The following AK5 variants were observed in gnomAD, a reference collection of about 807,000 sequenced individuals.
AK5 encodes adenylate kinase isoenzyme 5.
In AK5, 27 loss-of-function variants were observed where a neutral mutation model predicts 69.5. That is an observed-to-expected ratio of 0.39 (90% CI 0.29 to 0.54). AK5 has a LOEUF of 0.54. Ranked by LOEUF, AK5 falls within the 20% of genes least tolerant of loss-of-function variation. The pLI is 0.71. For synonymous variants in AK5, 260 were observed against 244.4 expected (o/e 1.06, Z -0.60); for missense variants, 531 against 700.4 (o/e 0.76, Z 2.73).
chr1:77,358,273 A>G (rs1439099225), intron 6 of AK5, among the ~76,000 whole-genome samples: 2 of 152,112 alleles, frequency 1.3e-5, no homozygotes, highest in East Asian at 1.9e-4. Context: ...ATTATTCACA[A>G]GCATGTTTAC....
chr1:77,314,639 T>G (rs2100303289), intron 5 of AK5: 1 of 152,256 alleles, frequency 6.6e-6, no homozygotes, highest in African/African-American at 2.4e-5. Context: ...TTCTTTATGT[T>G]GGGAACATTC....
intron 5 of AK5, among the ~76,000 whole-genome samples, chr1:77,309,589 A>G (rs1029922890): frequency 2.0e-5 from 3 of 152,152 alleles, no homozygotes; most frequent in Admixed American, 1.3e-4. Context: ...ATTATATTTT[A>G]TTAGTGAACT....
intron 9 of AK5, among the ~76,000 whole-genome samples, chr1:77,485,168 G>A (rs1655511877): frequency 6.6e-6 from 1 of 152,136 alleles, no homozygotes; most frequent in Non-Finnish European, 1.5e-5. Flanking sequence ...TGTCACCATG[G>A]GTTATTCTGT....
At chr1:77,364,381 TTAAC>T (rs1646915522) in intron 6 of AK5, among the ~76,000 whole-genome samples, 1 of 152,230 alleles carries the variant, frequency 6.6e-6, no homozygotes, top group Non-Finnish European at 1.5e-5. Flanking sequence ...GTTGGGAACA[TTAAC>T]TATCTTCCTT....
intron 1 of AK5, among the ~76,000 whole-genome samples, chr1:77,286,682 A>G (rs1658370671): frequency 6.6e-6 from 1 of 151,928 alleles, no homozygotes. Context: ...CCCTGTCTCT[A>G]CTAAAAATAC....
At chr1:77,509,669 A>C (rs1657230695) in intron 10 of AK5, among the ~76,000 whole-genome samples, 1 of 152,236 alleles carries the variant, frequency 6.6e-6, no homozygotes, top group Non-Finnish European at 1.5e-5. Flanking sequence ...GATTAGAAAT[A>C]AGATAGTTTG....
At chr1:77,415,973 C>T (rs567147371) in intron 7 of AK5, among the ~76,000 whole-genome samples, 1 of 152,060 alleles carries the variant, frequency 6.6e-6, no homozygotes, top group Non-Finnish European at 1.5e-5. Flanking sequence ...GTGGCAAAAA[C>T]CACAATTTCT....
intron 6 of AK5, among the ~76,000 whole-genome samples, chr1:77,379,001 G>C (rs527906792): frequency 2.6e-5 from 4 of 152,206 alleles, no homozygotes; most frequent in Non-Finnish European, 4.4e-5. Flanking sequence ...AGGCACAAGA[G>C]ACAACATGCT....
At chr1:77,533,549 A>G (rs1008305544) in intron 12 of AK5, among the ~76,000 whole-genome samples, 4 of 148,436 alleles carry the variant, frequency 2.7e-5, no homozygotes, top group African/African-American at 1.0e-4. Context: ...ATTCTGCTTC[A>G]GCAGGTCGCG....
chr1:77,334,977 T>A (rs1661274418), intron 5 of AK5, among the ~76,000 whole-genome samples: 1 of 152,212 alleles, frequency 6.6e-6, no homozygotes, highest in Non-Finnish European at 1.5e-5. Flanking sequence ...TTCCTTTTTT[T>A]AGAAAGTTTT....
At chr1:77,506,914 G>A (rs937244086) in intron 10 of AK5, among the ~76,000 whole-genome samples, 8 of 151,972 alleles carry the variant, frequency 5.3e-5, no homozygotes, top group African/African-American at 1.5e-4. Flanking sequence ...CAGGAGAATC[G>A]CTTGAAGCCA....
intron 10 of AK5, among the ~76,000 whole-genome samples, chr1:77,494,951 T>C (rs1428892622): frequency 2.6e-5 from 4 of 151,922 alleles, no homozygotes; most frequent in African/African-American, 9.7e-5. Context: ...TCGGCTAATT[T>C]TTTTGTATTT....
intron 6 of AK5, among the ~76,000 whole-genome samples, chr1:77,401,420 G>C (rs1308140030): frequency 6.6e-6 from 1 of 152,160 alleles, no homozygotes; most frequent in Non-Finnish European, 1.5e-5. Flanking sequence ...TGAATCAAGG[G>C]AGAAGTAAAA....
At chr1:77,332,243 T>A (rs937898136) in intron 5 of AK5, among the ~76,000 whole-genome samples, 2 of 152,108 alleles carry the variant, frequency 1.3e-5, no homozygotes, top group African/African-American at 4.8e-5. Flanking sequence ...GCCTTTCCTC[T>A]TTTTCTTCAT....
intron 5 of AK5, among the ~76,000 whole-genome samples, chr1:77,309,671 G>C (rs1392000461): frequency 6.6e-6 from 1 of 152,032 alleles, no homozygotes; most frequent in South Asian, 2.1e-4. Context: ...TGGATTAGAA[G>C]TGTTTCTGTA....
chr1:77,475,544 AT>A (rs369376502), intron 8 of AK5, among the ~76,000 whole-genome samples: 6 of 104,442 alleles, frequency 5.7e-5, no homozygotes, highest in African/African-American at 1.7e-4. Flanking sequence ...ACAAATATAT[AT>A]TATATATATA....
intron 6 of AK5, among the ~76,000 whole-genome samples, chr1:77,350,522 T>C (rs1468432150): frequency 6.6e-6 from 1 of 152,180 alleles, no homozygotes; most frequent in Non-Finnish European, 1.5e-5. Context: ...ATTAAGCTGG[T>C]AGCTGTGTGT....
chr1:77,510,829 C>A (rs965229227), intron 10 of AK5, among the ~76,000 whole-genome samples: 1 of 151,804 alleles, frequency 6.6e-6, no homozygotes. Flanking sequence ...TACTCAGATA[C>A]CATAGAGCCT....
intron 6 of AK5, among the ~76,000 whole-genome samples, chr1:77,368,496 C>T (rs1399379028): frequency 1.3e-5 from 2 of 150,914 alleles, no homozygotes; most frequent in African/African-American, 4.9e-5. Context: ...CTCAGCCACC[C>T]GTGTGGACAA....
Sources: gnomAD v4.1 joint callset for allele counts (sites outside exome capture counted in the v4.1 genomes callset) on GRCh38, gnomAD v4.1.1 for gene constraint, MANE v1.5 for transcripts, NCBI Gene and HGNC (gene_info 2026-07-23, HGNC 2026-07-21) for gene names.